OPCML: variants seen among roughly 807,000 people sequenced by gnomAD.
The protein encoded by OPCML is opioid-binding protein/cell adhesion molecule.
A neutral mutation model predicts 37.8 loss-of-function variants in OPCML; 13 were observed. The observed-to-expected ratio is 0.34, with a 90% confidence interval of 0.22 to 0.55. The LOEUF (loss-of-function observed/expected upper bound fraction) is 0.55, where lower values mean the gene tolerates loss of function less well. Ranked by LOEUF, OPCML falls within the 20% of genes least tolerant of loss-of-function variation. The probability of loss-of-function intolerance (pLI) is 0.91; values close to 1 mark genes in which losing one functional copy is unlikely to be tolerated. For synonymous variants in OPCML, 176 were observed against 168.8 expected (o/e 1.04, Z -0.33); for missense variants, 341 against 435.6 (o/e 0.78, Z 1.93).
intron 2 of OPCML, among the ~76,000 whole-genome samples, chr11:132,889,050 A>G (rs1211161954): frequency 6.6e-6 from 1 of 152,218 alleles, no homozygotes; most frequent in Non-Finnish European, 1.5e-5. Flanking sequence ...GTCCAGGTAC[A>G]GTGAGAGAAT....
intron 2 of OPCML, among the ~76,000 whole-genome samples, chr11:132,906,064 T>C (rs1944229904): frequency 6.6e-6 from 1 of 152,202 alleles, no homozygotes; most frequent in Non-Finnish European, 1.5e-5. Context: ...GCCTAAAATG[T>C]GACTTTTATA....
In OPCML at chr11:132,711,884, G is replaced by A. The variant is rs185351705; in HGVS notation, c.147-54565C>T. On this transcript the variant is annotated intron_variant, in intron 2 of 7. Transcript: ENST00000524381. ...ATTCTTTCTTAAAATAATACAACAC[G>A]CGTGCAATAATGGTATACACAAGGA... Among the ~76,000 whole-genome samples, 29 of 152,106 alleles carry A rather than the reference G, an allele frequency of 1.9e-4. No homozygotes were observed. In the East Asian group the frequency reaches 4.4e-3, roughly 23 times the overall value.
chr11:133,307,100 C>T (rs2136581668), intron 1 of OPCML, among the ~76,000 whole-genome samples: 1 of 152,218 alleles, frequency 6.6e-6, no homozygotes, highest in East Asian at 1.9e-4. Flanking sequence ...TCCGCTGTTC[C>T]TCCCCTCCTT....
chr11:133,530,205 T>C (rs1948576628), intron 1 of OPCML, among the ~76,000 whole-genome samples: 1 of 151,998 alleles, frequency 6.6e-6, no homozygotes, highest in Admixed American at 6.5e-5. Flanking sequence ...TTCGGGTACT[T>C]CTCCTGCAAG....
chr11:132,473,872 A>G (rs1322245258), intron 4 of OPCML, among the ~76,000 whole-genome samples: 1 of 152,178 alleles, frequency 6.6e-6, no homozygotes, highest in Admixed American at 6.5e-5. Flanking sequence ...GGCTTTACAT[A>G]AGGCCCAAAA....
intron 1 of OPCML, among the ~76,000 whole-genome samples, chr11:133,125,973 T>G (rs567932396): frequency 5.1e-4 from 77 of 149,704 alleles, no homozygotes; most frequent in African/African-American, 1.5e-3. Flanking sequence ...TATATATACA[T>G]GTATATATAG....
chr11:132,699,018 T>C (rs780236691), intron 2 of OPCML, among the ~76,000 whole-genome samples: 45 of 152,276 alleles, frequency 3.0e-4, no homozygotes, highest in Non-Finnish European at 5.7e-4. Context: ...TTTCCATTTA[T>C]TCTTGTCATC....
intron 1 of OPCML, among the ~76,000 whole-genome samples, chr11:133,037,282 G>A (rs986029052): frequency 6.6e-6 from 1 of 152,138 alleles, no homozygotes; most frequent in Non-Finnish European, 1.5e-5. Context: ...CAATACGTAA[G>A]AGTTATAAGA....
In OPCML at chr11:132,916,000, A is replaced by T. The variant is rs147677945; in HGVS notation, c.146+26926T>A. Among the ~76,000 whole-genome samples, 248 of 152,254 alleles carry T rather than the reference A, an allele frequency of 1.6e-3. 1 individual carries two copies. Among genetic ancestry groups the T allele is most frequent in the African/African-American group, 5.7e-3 (238 of 41,540 alleles). On this transcript the variant is annotated intron_variant, in intron 2 of 7. Transcript: ENST00000524381. Reference sequence around the variant, plus strand: ...TTATTGCTTTTGGGTTTTTCCTCTTAATTACAAAACATTTCACAACTTCCA... The same window carrying T: ...TTATTGCTTTTGGGTTTTTCCTCTTTATTACAAAACATTTCACAACTTCCA...
chr11:132,812,264 A>G (rs1008026470), intron 2 of OPCML, among the ~76,000 whole-genome samples: 1 of 152,190 alleles, frequency 6.6e-6, no homozygotes, highest in Non-Finnish European at 1.5e-5. Flanking sequence ...ATTGCAAAGT[A>G]TAGATCAGTT....
intron 1 of OPCML, among the ~76,000 whole-genome samples, chr11:133,080,214 C>T (rs774856885): frequency 2.0e-5 from 3 of 152,142 alleles, no homozygotes; most frequent in African/African-American, 7.2e-5. Context: ...ACCTGCGGGA[C>T]TGTAGGATGG....
intron 1 of OPCML, among the ~76,000 whole-genome samples, chr11:133,123,054 T>C (rs550398755): frequency 1.3e-5 from 2 of 152,210 alleles, no homozygotes; most frequent in Non-Finnish European, 2.9e-5. Flanking sequence ...TCCTACAAAG[T>C]GACTTGGAAA....
intron 2 of OPCML, among the ~76,000 whole-genome samples, chr11:132,802,990 T>C (rs1938764300): frequency 6.6e-6 from 1 of 152,144 alleles, no homozygotes. Context: ...CTTCAGATGA[T>C]CATAACTGCT....
chr11:132,620,945 G>T (rs1939364510), intron 3 of OPCML, among the ~76,000 whole-genome samples: 1 of 152,166 alleles, frequency 6.6e-6, no homozygotes, highest in Non-Finnish European at 1.5e-5. Flanking sequence ...TCAAAAGGTG[G>T]AACTGCAAGG....
At chr11:133,404,417 G>C (rs1945480408) in intron 1 of OPCML, among the ~76,000 whole-genome samples, 1 of 152,188 alleles carries the variant, frequency 6.6e-6, no homozygotes, top group Non-Finnish European at 1.5e-5. Flanking sequence ...AATGGGAAAA[G>C]GTGCCCTTTA....
chr11:132,656,446 G>A (rs573316410), intron 3 of OPCML, among the ~76,000 whole-genome samples: 40 of 152,302 alleles, frequency 2.6e-4, no homozygotes, highest in Non-Finnish European at 5.4e-4. Context: ...AAAGGAGAAT[G>A]GAAGAAGATG....
intron 2 of OPCML, among the ~76,000 whole-genome samples, chr11:132,815,914 G>A (rs974381740): frequency 2.0e-5 from 3 of 152,210 alleles, no homozygotes; most frequent in African/African-American, 7.2e-5. Flanking sequence ...ATGTGCACAA[G>A]GAAGATAAGA....
At chr11:132,984,022 T>A (rs968432787) in intron 1 of OPCML, among the ~76,000 whole-genome samples, 1 of 152,226 alleles carries the variant, frequency 6.6e-6, no homozygotes, top group Non-Finnish European at 1.5e-5. Flanking sequence ...AGAGGTCTCA[T>A]AATTCTACCT....
intron 2 of OPCML, among the ~76,000 whole-genome samples, chr11:132,931,192 A>G (rs571264148): frequency 1.3e-5 from 2 of 152,136 alleles, no homozygotes; most frequent in Non-Finnish European, 2.9e-5. Context: ...CTTAAACATA[A>G]GAGCTAAAAC....
Sources: allele counts gnomAD v4.1 joint callset (sites outside exome capture counted in the v4.1 genomes callset), GRCh38; gene constraint gnomAD v4.1.1; transcripts MANE v1.5; gene names NCBI Gene and HGNC (gene_info 2026-07-23, HGNC 2026-07-21).